The following RAP2A variants were observed in gnomAD, a reference collection of about 807,000 sequenced individuals.
RAP2A encodes ras-related protein Rap-2a.
In RAP2A, 5 loss-of-function variants were observed where a neutral mutation model predicts 15.1. The observed-to-expected ratio is 0.33, with a 90% CI of 0.17 to 0.70. The LOEUF (loss-of-function observed/expected upper bound fraction) is 0.70, where lower values mean the gene tolerates loss of function less well. Among genes scored for constraint, RAP2A ranks in the 30% least tolerant of loss-of-function variants. The pLI, the probability that RAP2A is intolerant of heterozygous loss-of-function variation, is 0.68. For synonymous variants in RAP2A, 110 were observed against 99.7 expected (o/e 1.10, Z -0.62); for missense variants, 111 against 240.3 (o/e 0.46, Z 3.56).
intron 1 of RAP2A, among the ~76,000 whole-genome samples, chr13:97,441,162 G>A (rs1240621230): frequency 1.3e-5 from 2 of 152,060 alleles, no homozygotes; most frequent in Non-Finnish European, 2.9e-5. Context: ...TTGTCTGGCC[G>A]GGGTGATGAG....
At chr13:97,451,852 G>T (rs1176102988) in intron 1 of RAP2A, among the ~76,000 whole-genome samples, 1 of 151,284 alleles carries the variant, frequency 6.6e-6, no homozygotes, top group Non-Finnish European at 1.5e-5. Flanking sequence ...AGGAACCTCA[G>T]TGTGATTTTT....
rs1335384352 is a variant in RAP2A at position 97,434,342 on chromosome 13, G to T, written c.-129G>T. 1.8e-4 allele frequency: 136 copies of T among 751,372 alleles called. No individual in the cohort carries two copies. The African/African-American group carries it at 2.4e-3, about 14-fold the overall frequency. The allele number at this position is 751,372 out of a possible 1,614,324, so 46.5% of individuals were successfully genotyped here. On this transcript the variant is annotated 5_prime_UTR_variant, in exon 1 of 2. Coordinates refer to ENST00000245304, the MANE Select transcript of RAP2A (RefSeq NM_021033.7). ...CGCCGCCGGCGCCCAGGGGGCCGCC[G>T]CGGCTGTGAGGTGGGGGCGGCAGCG... is the stretch of plus-strand genomic sequence containing the variant.
chr13:97,455,154 A>T (rs1309390030), intron 1 of RAP2A, among the ~76,000 whole-genome samples: 1 of 150,888 alleles, frequency 6.6e-6, no homozygotes, highest in Non-Finnish European at 1.5e-5. Context: ...ATTTTTGTTG[A>T]TCTGTTAAGT....
rs1594330532 is a variant in RAP2A at position 97,467,093 on chromosome 13, T to A, written c.*2651T>A. The A allele has an allele frequency of 6.5e-6, 1 of 152,750 alleles. No homozygotes were observed. Among genetic ancestry groups the A allele is most frequent in the East Asian group, 1.9e-4 (1 of 5,192 alleles). 9.5% of individuals were successfully genotyped at this position (152,750 alleles called of 1,614,324 possible). ...GTTTTTCTAACATGCCTTAAAAATA[T>A]TATGGTTTGATCCAAAGACCCACTT... is the stretch of plus-strand genomic sequence containing the variant. On this transcript the variant is annotated 3_prime_UTR_variant, in exon 2 of 2. Transcript: ENST00000245304.
At chr13:97,441,933 A>G (rs537963405) in intron 1 of RAP2A, 28 of 257,334 alleles carry the variant, frequency 1.1e-4, no homozygotes, top group South Asian at 1.0e-3. Context: ...TGAAATTTTA[A>G]TGGTGTGCAG....
At position 97,468,689 on chromosome 13, in the gene RAP2A, A is replaced by G. The variant is rs2066782956; in HGVS notation, c.*4247A>G. On this transcript the variant is annotated 3_prime_UTR_variant, in exon 2 of 2. Transcript: ENST00000245304. ...AGATAGAATCCCAGATATTTAAAGG[A>G]AAACATGCCTATATTTTAGGAATAT... 6.6e-6 allele frequency: 1 copy of G among 152,260 alleles called. No individual in the cohort carries two copies. The highest frequency in any genetic ancestry group is 2.4e-5 in the African/African-American group (1 of 41,462). The allele number at this position is 152,260 out of a possible 1,614,324, so 9.4% of individuals were successfully genotyped here.
At chr13:97,449,440 C>G (rs1054542531) in intron 1 of RAP2A, among the ~76,000 whole-genome samples, 2 of 152,114 alleles carry the variant, frequency 1.3e-5, no homozygotes, top group East Asian at 1.9e-4. Flanking sequence ...TCCAGTAATT[C>G]CTGTTCTGTC....
rs1355377159 is a variant in RAP2A, at chr13:97,465,448, GT to G, written c.*1007del. Reference sequence around the variant, plus strand: ...CTCGCCTTTAAGGGCTATGGTTGTAGTGTGACCCGTGGCTAACCTGCTTTCA... The same window carrying G: ...CTCGCCTTTAAGGGCTATGGTTGTAGGTGACCCGTGGCTAACCTGCTTTCA... On this transcript the variant is annotated 3_prime_UTR_variant, in exon 2 of 2. Transcript: ENST00000245304. The G allele has an allele frequency of 6.6e-6, 1 of 152,646 alleles. No homozygotes were observed. Among genetic ancestry groups the G allele is most frequent in the Non-Finnish European group, 1.5e-5 (1 of 68,044 alleles). The allele number at this position is 152,646 out of a possible 1,614,324, so 9.5% of individuals were successfully genotyped here.
chr13:97,463,105 GACAC>G (rs201258269), intron 1 of RAP2A, among the ~76,000 whole-genome samples: 5 of 141,944 alleles, frequency 3.5e-5, no homozygotes, highest in South Asian at 2.3e-4. Flanking sequence ...CTTATGGGAA[GACAC>G]ACACACACAA....
rs1441659501 is a variant in RAP2A at position 97,434,731 on chromosome 13, G to T, written c.261G>T (p.Gln87His). ...GFILVYSLVN[Q>H]QSFQDIKPMR... ...TCCTCGTCTACAGCCTCGTCAACCAGCAGAGCTTCCAGGACATCAAGCCCA... is the reference window on the plus strand; with the variant it reads ...TCCTCGTCTACAGCCTCGTCAACCATCAGAGCTTCCAGGACATCAAGCCCA... The change falls in exon 1 of 2, where the codon CAG (glutamine) becomes CAT (histidine). Residue 87 changes from glutamine (Q) to histidine (H), a missense_variant. Physicochemically the swap from Gln to His is conservative, Grantham distance 24 (BLOSUM62 0). Coordinates refer to ENST00000245304, the MANE Select transcript of RAP2A (RefSeq NM_021033.7). The T allele has an allele frequency of 1.2e-6, 2 of 1,614,188 alleles. No individual in the cohort carries two copies. Among genetic ancestry groups the T allele is most frequent in the Non-Finnish European group, 1.7e-6 (2 of 1,180,034 alleles).
At chr13:97,438,280 T>TCA (rs1481876002) in intron 1 of RAP2A, among the ~76,000 whole-genome samples, 4 of 152,168 alleles carry the variant, frequency 2.6e-5, no homozygotes, top group African/African-American at 9.7e-5. Context: ...ACATGACCTT[T>TCA]CACAGTCCAG....
At chr13:97,441,521 A>G (rs561691245) in intron 1 of RAP2A, among the ~76,000 whole-genome samples, 39 of 152,254 alleles carry the variant, frequency 2.6e-4, no homozygotes, top group African/African-American at 8.4e-4. Context: ...ATGCATGTAT[A>G]TGTACATATT....
intron 1 of RAP2A, chr13:97,441,777 G>C (rs2066658674): frequency 2.2e-6 from 1 of 449,486 alleles, no homozygotes; most frequent in Non-Finnish European, 4.5e-6. Flanking sequence ...GGCCTATGTT[G>C]TAAAAAGAGT....
rs765979212 is a variant in RAP2A, at chr13:97,465,590, C to CA, written c.*1152dup. 2.6e-5 allele frequency: 4 copies of CA among 152,528 alleles called. No homozygotes were observed. The highest frequency in any genetic ancestry group is 4.4e-5 in the Non-Finnish European group (3 of 68,016). The allele number at this position is 152,528 out of a possible 1,614,324, so 9.4% of individuals were successfully genotyped here. On this transcript the variant is annotated 3_prime_UTR_variant, in exon 2 of 2. Coordinates refer to ENST00000245304, the MANE Select transcript of RAP2A (RefSeq NM_021033.7). The stretch of plus-strand genomic sequence containing the variant: ...AAATTATAGAGTGGAAGGTAAGGGA[C>CA]AAAAGCCTTTTACCTTTAATTTTCC...
At chr13:97,455,953 G>A (rs2066720964) in intron 1 of RAP2A, among the ~76,000 whole-genome samples, 1 of 151,272 alleles carries the variant, frequency 6.6e-6, no homozygotes, top group African/African-American at 2.4e-5. Flanking sequence ...AAAATGGGAA[G>A]AGAAAAAGAG....
chr13:97,449,897 T>C (rs1379436133), intron 1 of RAP2A, among the ~76,000 whole-genome samples: 1 of 152,022 alleles, frequency 6.6e-6, no homozygotes, highest in Admixed American at 6.6e-5. Flanking sequence ...GCAGAAGAAA[T>C]GCTAATTCTG....
At chr13:97,445,147 T>G (rs1178291266) in intron 1 of RAP2A, among the ~76,000 whole-genome samples, 1 of 152,180 alleles carries the variant, frequency 6.6e-6, no homozygotes, top group Non-Finnish European at 1.5e-5. Flanking sequence ...ACATTGGGGA[T>G]TAAATTTCAA....
rs148550319 is a variant in RAP2A, at chr13:97,452,134, T to C, written c.315-12071T>C. On this transcript the variant is annotated intron_variant, in intron 1 of 1. Transcript: ENST00000245304. ...GAGTGAGCATAAATTCTTAATTTTA[T>C]TGAAGTCAAATTTTAAATTCTTTTT... 1.8e-3 allele frequency among the ~76,000 whole-genome samples: 275 copies of C among 151,458 alleles called. 8 individuals are homozygous for C. Among genetic ancestry groups the C allele is most frequent in the African/African-American group, 6.6e-3 (270 of 41,138 alleles).
Position 97,468,514 on chromosome 13 carries a change from C to G in RAP2A, c.*4072C>G, listed in dbSNP as rs963153926. On this transcript the variant is annotated 3_prime_UTR_variant, in exon 2 of 2. Transcript: ENST00000245304. Reference sequence around the variant, plus strand: ...GCCTTCAGCTGCTCTGATAAGGAGCCCATTCATTTCCTAAGCCAATTTAAA... The same window carrying G: ...GCCTTCAGCTGCTCTGATAAGGAGCGCATTCATTTCCTAAGCCAATTTAAA... 29 of 152,240 alleles carry G rather than the reference C, an allele frequency of 1.9e-4. No individual in the cohort carries two copies. Among genetic ancestry groups the G allele is most frequent in the Admixed American group, 1.0e-3 (16 of 15,290 alleles). The allele number at this position is 152,240 out of a possible 1,614,324, so 9.4% of individuals were successfully genotyped here. A position where few individuals can be genotyped will look rare whatever the true frequency, so the allele number is the denominator to read the frequency against.
Sources: gnomAD v4.1 joint callset for allele counts (sites outside exome capture counted in the v4.1 genomes callset) on GRCh38, gnomAD v4.1.1 for gene constraint, MANE v1.5 for transcripts, NCBI Gene and HGNC (gene_info 2026-07-23, HGNC 2026-07-21) for gene names.